The following RGL3 variants were observed in gnomAD, a reference collection of about 807,000 sequenced individuals.
The protein encoded by RGL3 is ral guanine nucleotide dissociation stimulator like 3, also known as ral guanine nucleotide dissociation stimulator-like 3.
In RGL3, 85 loss-of-function variants were observed where a neutral mutation model predicts 90.6. The ratio of observed to expected loss-of-function variants is 0.94; its 90% CI spans 0.79 to 1.12. The LOEUF (loss-of-function observed/expected upper bound fraction) is 1.12, where lower values mean the gene tolerates loss of function less well. Ranked by LOEUF, RGL3 falls within the 50% of genes most tolerant of loss-of-function variation. The pLI is 0.00. For missense variants in RGL3, 1,034 were observed against 939.2 expected, an observed-to-expected ratio of 1.10 and a Z score of -1.32; for synonymous variants, 408 against 385.5, an observed-to-expected ratio of 1.06 and a Z score of -0.68.
Position 11,406,881 on chromosome 19 carries a change from G to A in RGL3, c.638-17C>T. Reference sequence around the variant, plus strand: ...TGGGAGGTCCTGATCATTAGAAAGGGTTACAAACTCTCAAGTTTGAATCCA... The same window carrying A: ...TGGGAGGTCCTGATCATTAGAAAGGATTACAAACTCTCAAGTTTGAATCCA... On this transcript the variant is annotated splice_polypyrimidine_tract_variant and intron_variant, in intron 5 of 18. Transcript: ENST00000380456. 6.3e-7 allele frequency: 1 copy of A among 1,599,722 alleles called. No individual in the cohort carries two copies. The highest frequency in any genetic ancestry group is 8.5e-7 in the Non-Finnish European group (1 of 1,170,858).
At chr19:11,414,213 CTT>C (rs1310600516) in intron 5 of RGL3, among the ~76,000 whole-genome samples, 5 of 53,542 alleles carry the variant, frequency 9.3e-5, no homozygotes, top group African/African-American at 1.7e-4. Flanking sequence ...ATATATATAC[CTT>C]TATATATATA....
intron 5 of RGL3, among the ~76,000 whole-genome samples, chr19:11,414,304 T>C (rs1313010191): frequency 1.2e-5 from 1 of 82,378 alleles, no homozygotes; most frequent in Admixed American, 1.5e-4. Flanking sequence ...TTCATATATA[T>C]ACATATATAT....
chr19:11,400,627 G>A (rs1230030620), intron 13 of RGL3, among the ~76,000 whole-genome samples: 3 of 151,880 alleles, frequency 2.0e-5, no homozygotes, highest in African/African-American at 4.8e-5. Flanking sequence ...TGAGGCGAGA[G>A]GATTGCTTCG....
intron 5 of RGL3, among the ~76,000 whole-genome samples, chr19:11,407,635 C>T (rs1380320309): frequency 2.6e-5 from 4 of 151,316 alleles, no homozygotes; most frequent in Non-Finnish European, 5.9e-5. Flanking sequence ...AACTCAGATG[C>T]AAACTCGTCC....
At chr19:11,402,413 C>A (rs1473243165) in intron 11 of RGL3, 42 bp downstream of exon 11, 4 of 1,579,508 alleles carry the variant, frequency 2.5e-6, no homozygotes, top group Non-Finnish European at 3.5e-6. Context: ...GTGCTGGGGG[C>A]AAGTGGAGCT....
At chr19:11,417,949 T>C (rs1425562935) in intron 2 of RGL3, among the ~76,000 whole-genome samples, 1 of 152,116 alleles carries the variant, frequency 6.6e-6, no homozygotes, top group Non-Finnish European at 1.5e-5. Context: ...CCCAGCCTCC[T>C]GAGTAGCTGG....
chr19:11,396,154 ATATATTTTT>A (rs1568334119), intron 18 of RGL3, among the ~76,000 whole-genome samples: 3 of 65,896 alleles, frequency 4.6e-5, no homozygotes, highest in African/African-American at 2.2e-4. Context: ...ATATATATAT[ATATATTTTT>A]TTTTTTTTTT....
At chr19:11,412,002 G>A (rs925887974) in intron 5 of RGL3, among the ~76,000 whole-genome samples, 10 of 151,992 alleles carry the variant, frequency 6.6e-5, no homozygotes, top group South Asian at 2.1e-4. Context: ...TAAAAGGGCC[G>A]GGCGCCATGG....
Position 11,410,155 on chromosome 19 carries a change from A to G in RGL3, c.638-3291T>C, listed in dbSNP as rs1299940351. 3.4e-5 allele frequency among the ~76,000 whole-genome samples: 5 copies of G among 149,230 alleles called. No homozygotes were observed. The Admixed American group carries it at 3.4e-4, about 10-fold the overall frequency. On this transcript the variant is annotated intron_variant, in intron 5 of 18. Transcript: ENST00000380456. ...TTATTATTTATTTATTTTTTATTTT[A>G]TTTTATTTTATTTTTTATTTTTTTT...
In RGL3 at chr19:11,394,525, T is replaced by C; in HGVS notation, c.2015-5A>G. 1 of 1,607,590 alleles carries C rather than the reference T, an allele frequency of 6.2e-7. No individual in the cohort carries two copies. On this transcript the variant is annotated splice_region_variant and splice_polypyrimidine_tract_variant and intron_variant, in intron 18 of 18. Coordinates refer to ENST00000380456, the MANE Select transcript of RGL3 (RefSeq NM_001035223.4). ...CATTGTCAGGAATCAGGAGCACTGG[T>C]CAGGAGTGGAGATGGTGGTAATAGG...
intron 13 of RGL3, 32 bp from the exon 14 acceptor site, chr19:11,400,329 G>C (rs750098632): frequency 1.4e-5 from 21 of 1,529,492 alleles, no homozygotes; most frequent in Non-Finnish European, 1.9e-5. Flanking sequence ...GAGGTGGTGG[G>C]GGCAGGAAAT....
intron 5 of RGL3, among the ~76,000 whole-genome samples, chr19:11,409,174 A>G (rs1334797036): frequency 3.3e-5 from 5 of 151,300 alleles, no homozygotes; most frequent in East Asian, 3.9e-4. Context: ...TGTCTCAAAA[A>G]AAAAAAAAAA....
chr19:11,395,783 A>C (rs151327677), intron 18 of RGL3, among the ~76,000 whole-genome samples: 3,410 of 151,670 alleles, frequency 0.022, 141 homozygotes, highest in African/African-American at 0.078. Flanking sequence ...GCCTGCCACC[A>C]TGCCTGGCTA....
chr19:11,402,116 G>A lies in RGL3; in HGVS notation c.1379C>T (p.Ala460Val). 11 of 1,606,446 alleles carry A rather than the reference G, an allele frequency of 6.8e-6. No individual in the cohort carries two copies. Among genetic ancestry groups the A allele is most frequent in the Non-Finnish European group, 9.4e-6 (11 of 1,176,424 alleles). ...EKRRKEWEIL[A>V]RIQQLQRRCQ... ...GCGCCTCTGCAGCTGCTGGATGCGG[G>A]CCAGGATCTCCCACTCCTGGAGGAC... is the stretch of plus-strand genomic sequence containing the variant. The change falls in exon 13 of 19, where the codon GCC (alanine) becomes GTC (valine). Residue 460 changes from alanine to valine, a missense_variant. Physicochemically the swap from Ala to Val is moderately conservative, Grantham distance 64. Transcript: ENST00000380456.
At chr19:11,402,304 G>T in intron 11 of RGL3, 57 bp from the exon 12 acceptor site, 1 of 1,611,570 alleles carries the variant, frequency 6.2e-7, no homozygotes, top group Non-Finnish European at 8.5e-7. Flanking sequence ...AAGGGTCAAG[G>T]TCAGGGGCTG....
intron 3 of RGL3, 38 bp downstream of exon 3, chr19:11,416,798 T>C: frequency 1.2e-6 from 2 of 1,609,976 alleles, no homozygotes; most frequent in Non-Finnish European, 8.5e-7. Flanking sequence ...GTTGGGGTTC[T>C]AGGGTGGAGA....
chr19:11,407,233 G>A (rs559754717), intron 5 of RGL3, among the ~76,000 whole-genome samples: 7 of 152,080 alleles, frequency 4.6e-5, no homozygotes, highest in South Asian at 4.2e-4. Flanking sequence ...TGATCTGCCC[G>A]CCTTGGCCTC....
At chr19:11,396,155 TA>T (rs1968566907) in intron 18 of RGL3, among the ~76,000 whole-genome samples, 20 of 74,996 alleles carry the variant, frequency 2.7e-4, no homozygotes, top group African/African-American at 7.6e-4. Flanking sequence ...TATATATATA[TA>T]TATTTTTTTT....
Position 11,406,341 on chromosome 19 carries a change from A to C in RGL3, c.996+78T>G, listed in dbSNP as rs566819975. Reference sequence around the variant, plus strand: ...CCCTCCCTCGCCTAGACTCGCCCCTATCTCTCTCCGGAGCCCTCATTTTTT... The same window carrying C: ...CCCTCCCTCGCCTAGACTCGCCCCTCTCTCTCTCCGGAGCCCTCATTTTTT... On this transcript the variant is annotated intron_variant, in intron 7 of 18. Coordinates refer to ENST00000380456, the MANE Select transcript of RGL3 (RefSeq NM_001035223.4). 6.3e-5 allele frequency: 84 copies of C among 1,342,436 alleles called. No individual in the cohort carries two copies. In the East Asian group the frequency reaches 1.8e-3, roughly 29 times the overall value. 83.2% of individuals were successfully genotyped at this position (1,342,436 alleles called of 1,614,324 possible). A position where few individuals can be genotyped will look rare whatever the true frequency, so the allele number is the denominator to read the frequency against.
Sources: gnomAD v4.1 joint callset for allele counts (sites outside exome capture counted in the v4.1 genomes callset) on GRCh38, gnomAD v4.1.1 for gene constraint, MANE v1.5 for transcripts, NCBI Gene and HGNC (gene_info 2026-07-23, HGNC 2026-07-21) for gene names.